AKIRIN2: variants seen among roughly 807,000 people sequenced by gnomAD.
AKIRIN2 encodes akirin-2.
A neutral mutation model predicts 29.3 loss-of-function variants in AKIRIN2; 6 were observed. The observed-to-expected ratio is 0.20, with a 90% CI of 0.11 to 0.40. The LOEUF (loss-of-function observed/expected upper bound fraction) is 0.40. Among genes scored for constraint, AKIRIN2 ranks in the 10% least tolerant of loss-of-function variants. AKIRIN2 has a pLI of 1.00. For synonymous variants in AKIRIN2, 128 were observed against 117.5 expected (o/e 1.09, Z -0.58); for missense variants, 210 against 276.1 (o/e 0.76, Z 1.70).
At chr6:87,689,801 T>C (rs989437008) in intron 1 of AKIRIN2, among the ~76,000 whole-genome samples, 1 of 152,234 alleles carries the variant, frequency 6.6e-6, no homozygotes, top group Non-Finnish European at 1.5e-5. Context: ...TCTACGTTCC[T>C]TATGAGGTGA....
intron 1 of AKIRIN2, among the ~76,000 whole-genome samples, chr6:87,693,400 T>C (rs1029565079): frequency 6.6e-6 from 1 of 152,016 alleles, no homozygotes; most frequent in African/African-American, 2.4e-5. Context: ...AGGACAGGTA[T>C]TTATATCTAG....
At chr6:87,677,703 C>G in intron 3 of AKIRIN2, 115 bp downstream of exon 3, 1 of 1,279,868 alleles carries the variant, frequency 7.8e-7, no homozygotes, top group Non-Finnish European at 1.1e-6. Flanking sequence ...CTGAAATTTT[C>G]TCATTCTCAG....
intron 1 of AKIRIN2, among the ~76,000 whole-genome samples, chr6:87,686,258 T>G (rs752929364): frequency 4.6e-5 from 7 of 152,124 alleles, no homozygotes; most frequent in Non-Finnish European, 1.0e-4. Flanking sequence ...AGAAAAGGCC[T>G]CTTTTTAGTT....
At position 87,701,936 on chromosome 6, in the gene AKIRIN2, T is replaced by C. The variant is rs1771475695; in HGVS notation, c.-252A>G. The C allele has an allele frequency of 2.4e-6, 1 of 410,042 alleles. No individual in the cohort carries two copies. The highest frequency in any genetic ancestry group is 4.3e-6 in the Non-Finnish European group (1 of 232,350). 25.4% of individuals were successfully genotyped at this position (410,042 alleles called of 1,614,324 possible). On this transcript the variant is annotated 5_prime_UTR_variant, in exon 1 of 5. Transcript: ENST00000257787. ...GGTGGCGGGCAGAAGCACACGCCAG[T>C]CGCGTCAGGGGGGTTCTTCCGCCTC...
intron 1 of AKIRIN2, among the ~76,000 whole-genome samples, chr6:87,682,518 A>C (rs969119598): frequency 4.6e-5 from 7 of 152,192 alleles, no homozygotes; most frequent in African/African-American, 1.7e-4. Context: ...GATTCATTTC[A>C]GAAAGATTTC....
At chr6:87,685,785 T>C (rs538680319) in intron 1 of AKIRIN2, among the ~76,000 whole-genome samples, 1 of 152,216 alleles carries the variant, frequency 6.6e-6, no homozygotes, top group Non-Finnish European at 1.5e-5. Flanking sequence ...ATGGAAGTCA[T>C]TATTAGCAAG....
At chr6:87,677,360 CTATTTA>C (rs1332976993) in intron 3 of AKIRIN2, among the ~76,000 whole-genome samples, 1 of 152,096 alleles carries the variant, frequency 6.6e-6, no homozygotes, top group Non-Finnish European at 1.5e-5. Context: ...GCTAAACATT[CTATTTA>C]TGTTACCATA....
At chr6:87,693,452 G>A (rs981546981) in intron 1 of AKIRIN2, among the ~76,000 whole-genome samples, 17 of 152,158 alleles carry the variant, frequency 1.1e-4, no homozygotes, top group Admixed American at 2.0e-4. Flanking sequence ...AGAAATGGCC[G>A]GGCGCGGTGG....
chr6:87,688,531 A>G (rs1051150284), intron 1 of AKIRIN2, among the ~76,000 whole-genome samples: 7 of 152,120 alleles, frequency 4.6e-5, no homozygotes, highest in African/African-American at 1.4e-4. Context: ...GGCTGACCTG[A>G]GGTAGGGAGT....
chr6:87,680,406 G>A (rs1208984665), intron 2 of AKIRIN2, among the ~76,000 whole-genome samples: 1 of 147,980 alleles, frequency 6.8e-6, no homozygotes, highest in Admixed American at 6.8e-5. Flanking sequence ...CTCAGTAGCT[G>A]AGACTACAGG....
At chr6:87,690,213 A>AAC (rs1771256827) in intron 1 of AKIRIN2, among the ~76,000 whole-genome samples, 2 of 151,810 alleles carry the variant, frequency 1.3e-5, no homozygotes, top group Non-Finnish European at 1.5e-5. Flanking sequence ...TCTCAAAAAA[A>AAC]AAAAAACCAA....
At chr6:87,697,330 A>G (rs1005962440) in intron 1 of AKIRIN2, among the ~76,000 whole-genome samples, 1 of 151,250 alleles carries the variant, frequency 6.6e-6, no homozygotes. Flanking sequence ...AAAAAGCTCT[A>G]TATTAGTAAT....
intron 1 of AKIRIN2, among the ~76,000 whole-genome samples, chr6:87,682,501 C>A (rs1771135605): frequency 6.6e-6 from 1 of 152,120 alleles, no homozygotes; most frequent in Non-Finnish European, 1.5e-5. Context: ...ATCCTTTAGG[C>A]CACTATGATT....
intron 1 of AKIRIN2, among the ~76,000 whole-genome samples, chr6:87,696,404 T>C (rs1771363756): frequency 6.6e-6 from 1 of 151,530 alleles, no homozygotes; most frequent in Non-Finnish European, 1.5e-5. Context: ...TTTCCTACCT[T>C]AATAAAAAAG....
chr6:87,693,020 G>A (rs1364949019), intron 1 of AKIRIN2, among the ~76,000 whole-genome samples: 1 of 151,374 alleles, frequency 6.6e-6, no homozygotes, highest in East Asian at 2.0e-4. Context: ...ACGAGGTCAG[G>A]AGATCAAGAC....
At position 87,675,581 on chromosome 6, in the gene AKIRIN2, A is replaced by C; in HGVS notation, c.*16T>G. On this transcript the variant is annotated 3_prime_UTR_variant, in exon 5 of 5. Transcript: ENST00000257787. ...CAACAAGGAACAAGGCAGCCCACAA[A>C]TGCAGGATACGTGATTCATGAAACA... 1 of 1,614,118 alleles carries C rather than the reference A, an allele frequency of 6.2e-7. No homozygotes were observed.
intron 1 of AKIRIN2, among the ~76,000 whole-genome samples, chr6:87,683,231 G>T (rs1047038697): frequency 6.6e-6 from 1 of 152,090 alleles, no homozygotes; most frequent in Admixed American, 6.5e-5. Context: ...ATACATACAC[G>T]AATGTGCAGT....
chr6:87,680,771 CCTT>C (rs138218929), intron 2 of AKIRIN2, among the ~76,000 whole-genome samples: 39,609 of 87,474 alleles, frequency 0.45, 5,938 homozygotes, highest in South Asian at 0.54. Context: ...CCGCCCCCCC[CCTT>C]TTTTTTTTTT....
At chr6:87,691,440 TAAAAAAAAAA>T (rs34981397) in intron 1 of AKIRIN2, among the ~76,000 whole-genome samples, 6 of 84,830 alleles carry the variant, frequency 7.1e-5, no homozygotes, top group Non-Finnish European at 4.6e-5. Context: ...AACCTCATCT[TAAAAAAAAAA>T]AAAAAAAAAA....
Sources: allele counts gnomAD v4.1 joint callset (sites outside exome capture counted in the v4.1 genomes callset), GRCh38; gene constraint gnomAD v4.1.1; transcripts MANE v1.5; gene names NCBI Gene and HGNC (gene_info 2026-07-23, HGNC 2026-07-21).